Variants in MLH3 observed in about 807,000 individuals in gnomAD.
The protein encoded by MLH3 is DNA mismatch repair protein Mlh3.
Under a neutral mutation model 122.2 loss-of-function variants are expected in MLH3, and 82 were observed. That is an observed-to-expected ratio of 0.67 (90% CI 0.56 to 0.81). MLH3 has a LOEUF of 0.81. Ranked by LOEUF, MLH3 falls within the 30% of genes least tolerant of loss-of-function variation. The pLI is 0.00. For missense variants in MLH3, 1,539 were observed against 1,714.5 expected (o/e 0.90, Z 1.81); for synonymous variants, 524 against 599.5 (o/e 0.87, Z 1.84).
intron 9 of MLH3, among the ~76,000 whole-genome samples, chr14:75,027,683 A>C (rs531337399): frequency 3.2e-4 from 48 of 150,014 alleles, no homozygotes; most frequent in African/African-American, 1.0e-3. Context: ...AAAAAAAAAA[A>C]AAAAAAAAAA....
rs1892522031 is a variant in MLH3, at chr14:75,049,506, G to C, written c.150C>G (p.Phe50Leu). Residue 50 changes from phenylalanine (F) to leucine (L), a missense_variant, in exon 2 of 13, where the codon TTC (phenylalanine) becomes TTG (leucine). By Grantham distance (22) the Phe-to-Leu change is conservative. Coordinates refer to ENST00000355774, the MANE Select transcript of MLH3 (RefSeq NM_001040108.2). ...CVAVRVNMETFQVQVIDNGFG... is the reference protein window; with the variant it reads ...CVAVRVNMETLQVQVIDNGFG... ...ATCCATTGTCTATCACTTGAACTTG[G>C]AAGGTTTCCATATTCACCCTGACAG... 6.2e-7 allele frequency: 1 copy of C among 1,613,994 alleles called. No homozygotes were observed. Among genetic ancestry groups the C allele is most frequent in the Non-Finnish European group, 8.5e-7 (1 of 1,180,032 alleles).
chr14:75,040,638 C>A (rs546905444), intron 4 of MLH3, among the ~76,000 whole-genome samples: 5 of 152,110 alleles, frequency 3.3e-5, no homozygotes, highest in Non-Finnish European at 5.9e-5. Context: ...AACTGGTAAA[C>A]AAATGCTCAT....
At chr14:75,022,260 C>A (rs542426633) in intron 11 of MLH3, among the ~76,000 whole-genome samples, 1 of 152,270 alleles carries the variant, frequency 6.6e-6, no homozygotes, top group South Asian at 2.1e-4. Context: ...CAAACCCCTG[C>A]GACATGCAAC....
intron 12 of MLH3, 116 bp downstream of exon 12, chr14:75,018,713 T>C (rs1890061253): frequency 5.9e-6 from 7 of 1,184,270 alleles, no homozygotes; most frequent in Non-Finnish European, 8.7e-6. Flanking sequence ...GTGCAGATTT[T>C]GCAAAACTCT....
At chr14:75,044,891 G>A (rs1270664327) in intron 2 of MLH3, among the ~76,000 whole-genome samples, 1 of 152,158 alleles carries the variant, frequency 6.6e-6, no homozygotes, top group Non-Finnish European at 1.5e-5. Flanking sequence ...CTAGTGCAAA[G>A]CCAAGATTAT....
rs1347975166 is a variant in MLH3 at position 75,047,832 on chromosome 14, A to G, written c.1824T>C (p.Phe608=). The stretch of plus-strand genomic sequence containing the variant: ...TTTCATTTTGTACTACATGAGTTAT[A>G]AAGCCAGTGGAACATAATTTAACTC... ...YGRVKLCSTG[F]ITHVVQNEKT... Residue 608 remains phenylalanine, a synonymous_variant, in exon 2 of 13, where the codon TTT becomes TTC. Coordinates refer to ENST00000355774, the MANE Select transcript of MLH3 (RefSeq NM_001040108.2). The G allele has an allele frequency of 6.2e-7, 1 of 1,613,520 alleles. No homozygotes were observed. The highest frequency in any genetic ancestry group is 8.5e-7 in the Non-Finnish European group (1 of 1,179,894).
At chr14:75,024,573 T>C (rs1324137007) in intron 9 of MLH3, among the ~76,000 whole-genome samples, 1 of 152,244 alleles carries the variant, frequency 6.6e-6, no homozygotes, top group African/African-American at 2.4e-5. Flanking sequence ...CATGGCGCGA[T>C]CTCAGCTCAC....
chr14:75,047,968 T>C lies in MLH3; in HGVS notation c.1688A>G (p.Gln563Arg), dbSNP rs777324118. Reference sequence around the variant, plus strand: ...TAATGTTGTTGCAAAAGGCAGAGGCTGGCATCCCACTTCAGTAGCATCTTT... The same window carrying C: ...TAATGTTGTTGCAAAAGGCAGAGGCCGGCATCCCACTTCAGTAGCATCTTT... ...RFKDATEVGC[Q>R]PLPFATTLWG... Residue 563 changes from glutamine (Q) to arginine (R), a missense_variant, in exon 2 of 13, where the codon CAG becomes CGG. Coordinates refer to ENST00000355774, the MANE Select transcript of MLH3 (RefSeq NM_001040108.2). 11 of 1,614,084 alleles carry C rather than the reference T, an allele frequency of 6.8e-6. No homozygotes were observed. Among genetic ancestry groups the C allele is most frequent in the Admixed American group, 1.7e-5 (1 of 60,004 alleles).
intron 4 of MLH3, among the ~76,000 whole-genome samples, chr14:75,040,217 A>G (rs1399586433): frequency 6.6e-6 from 1 of 151,868 alleles, no homozygotes; most frequent in Non-Finnish European, 1.5e-5. Context: ...TGGGAGGCTG[A>G]GGCGGGCAGA....
rs34635307 is a variant in MLH3 at position 75,039,759 on chromosome 14, AAC to A, written c.3570+150_3570+151del. Reference sequence around the variant, plus strand: ...TTCTGATGATAAAAGTTCTAGTAAGAACACACACACACACACACACACACACA... The same window carrying A: ...TTCTGATGATAAAAGTTCTAGTAAGAACACACACACACACACACACACACA... On this transcript the variant is annotated intron_variant, in intron 5 of 12. Transcript: ENST00000355774. The A allele has an allele frequency of 0.45, 91,552 of 202,822 alleles. 16,121 individuals carry two copies. The highest frequency in any genetic ancestry group is 0.55 in the South Asian group (3,852 of 7,036). The allele number at this position is 202,822 out of a possible 1,614,324, so 12.6% of individuals were successfully genotyped here.
intron 8 of MLH3, among the ~76,000 whole-genome samples, chr14:75,031,845 G>A (rs1425180611): frequency 2.0e-5 from 3 of 152,118 alleles, no homozygotes; most frequent in Non-Finnish European, 4.4e-5. Flanking sequence ...ATGATTGGAT[G>A]CAGAAAAAAA....
chr14:75,029,715 A>G (rs1386018247), intron 9 of MLH3, among the ~76,000 whole-genome samples: 1 of 152,058 alleles, frequency 6.6e-6, no homozygotes, highest in African/African-American at 2.4e-5. Flanking sequence ...TTCTATTTTT[A>G]GTAGAGATGG....
chr14:75,046,260 G>T, intron 2 of MLH3, 116 bp downstream of exon 2: 2 of 997,174 alleles, frequency 2.0e-6, no homozygotes, highest in Non-Finnish European at 3.2e-6. Context: ...TTTTATAAGT[G>T]GTCTTCAAAA....
chr14:75,023,716 T>C (rs1286951410), intron 9 of MLH3, among the ~76,000 whole-genome samples: 1 of 152,144 alleles, frequency 6.6e-6, no homozygotes, highest in Non-Finnish European at 1.5e-5. Context: ...CCTCTGGAGG[T>C]AAAAAGAAAA....
chr14:75,046,702 T>C lies in MLH3; in HGVS notation c.2954A>G (p.Asp985Gly), dbSNP rs761266398. ...TTGTTCTGAGGCTCTGATAAGAACA[T>C]CTGAATCTTTACCGGTAACTTTAGA... is the stretch of plus-strand genomic sequence containing the variant. ...NNSKVTGKDS[D>G]VLIRASEQQI... The change falls in exon 2 of 13, where the codon GAT becomes GGT. Residue 985 changes from aspartate (D) to glycine (G), a missense_variant. Transcript: ENST00000355774. The C allele has an allele frequency of 2.3e-5, 37 of 1,614,134 alleles. No individual in the cohort carries two copies. The highest frequency in any genetic ancestry group is 3.0e-5 in the Non-Finnish European group (35 of 1,179,960).
intron 6 of MLH3, among the ~76,000 whole-genome samples, chr14:75,035,339 T>C (rs989494256): frequency 1.3e-5 from 2 of 151,954 alleles, no homozygotes; most frequent in African/African-American, 4.8e-5. Context: ...CTGGCCAACA[T>C]GGAGAAACCC....
In MLH3 at chr14:75,039,846, C is replaced by CAT. The variant is rs145063005; in HGVS notation, c.3570+63_3570+64dup. 1,108 of 321,564 alleles carry CAT rather than the reference C, an allele frequency of 3.4e-3. 17 individuals carry two copies. The highest frequency in any genetic ancestry group is 0.021 in the African/African-American group (603 of 28,134). 19.9% of individuals were successfully genotyped at this position (321,564 alleles called of 1,614,324 possible). A position where few individuals can be genotyped will look rare whatever the true frequency, so the allele number is the denominator to read the frequency against. On this transcript the variant is annotated intron_variant, in intron 5 of 12. Transcript: ENST00000355774. ...AAATCAAATTTTAGAAGAGTTAGGCCATATATATATATATATATATATATA... is the reference window on the plus strand; with the variant it reads ...AAATCAAATTTTAGAAGAGTTAGGCCATATATATATATATATATATATATATA...
Position 75,047,710 on chromosome 14 carries a change from G to C in MLH3, c.1946C>G (p.Ser649Ter). ...QETFGNRTRH[S>*]VETPDIKDLA... ...ATCTTTGATGTCTGGAGTTTCAACT[G>C]AATGACGTGTTCTATTTCCAAATGT... The change falls in exon 2 of 13, where the codon TCA (serine) becomes TGA (stop). Residue 649 changes from serine to a stop codon, truncating the protein, a stop_gained. Coordinates refer to ENST00000355774, the MANE Select transcript of MLH3 (RefSeq NM_001040108.2). LOFTEE classifies it high-confidence loss of function. 6.2e-7 allele frequency: 1 copy of C among 1,614,122 alleles called. No homozygotes were observed. Among genetic ancestry groups the C allele is most frequent in the Non-Finnish European group, 8.5e-7 (1 of 1,180,006 alleles).
intron 11 of MLH3, chr14:75,019,257 A>C (rs181558999): frequency 5.3e-6 from 2 of 377,968 alleles, no homozygotes; most frequent in South Asian, 2.5e-5. Context: ...TAAAAATACA[A>C]AAATTAGCCG....
Sources: gnomAD v4.1 joint callset for allele counts (sites outside exome capture counted in the v4.1 genomes callset) on GRCh38, gnomAD v4.1.1 for gene constraint, MANE v1.5 for transcripts, NCBI Gene and HGNC (gene_info 2026-07-23, HGNC 2026-07-21) for gene names.